Variants in SHISA9 observed in about 807,000 individuals in gnomAD.
SHISA9 encodes the protein shisa family member 9, also known as protein shisa-9.
In SHISA9, 13 loss-of-function variants were observed where a neutral mutation model predicts 38.0. The observed-to-expected ratio is 0.34, with a 90% CI of 0.22 to 0.54. SHISA9 has a LOEUF of 0.54. Ranked by LOEUF, SHISA9 falls within the 20% of genes least tolerant of loss-of-function variation. The pLI is 0.91. For missense variants in SHISA9, 538 were observed against 575.8 expected, an observed-to-expected ratio of 0.93 and a Z score of 0.67; for synonymous variants, 275 against 242.0, an observed-to-expected ratio of 1.14 and a Z score of -1.27.
intron 2 of SHISA9, among the ~76,000 whole-genome samples, chr16:13,131,372 C>G (rs925141617): frequency 2.6e-5 from 4 of 152,130 alleles, no homozygotes; most frequent in Non-Finnish European, 4.4e-5. Context: ...AACAGAAAAC[C>G]AAACACTGCA....
the SHISA9 span, among the ~76,000 whole-genome samples, chr16:13,340,455 C>T: frequency 3.4e-5 from 5 of 148,742 alleles, no homozygotes; most frequent in Non-Finnish European, 6.1e-5. Context: ...GAGGTGAGTC[C>T]TCAGTGGCCG....
the SHISA9 span, among the ~76,000 whole-genome samples, chr16:13,524,622 G>T: frequency 6.6e-6 from 1 of 152,182 alleles, no homozygotes; most frequent in Non-Finnish European, 1.5e-5. Context: ...GTAGTGGTGT[G>T]AGCATAGCTC....
chr16:12,982,724 A>G (rs1484262637), intron 2 of SHISA9, among the ~76,000 whole-genome samples: 1 of 152,206 alleles, frequency 6.6e-6, no homozygotes, highest in Non-Finnish European at 1.5e-5. Flanking sequence ...CAGCCACAGC[A>G]TGGTGATGGT....
At chr16:12,995,082 T>A (rs1460415847) in intron 2 of SHISA9, among the ~76,000 whole-genome samples, 1 of 152,166 alleles carries the variant, frequency 6.6e-6, no homozygotes, top group Non-Finnish European at 1.5e-5. Context: ...TTAATTTTTT[T>A]AAACTTTTAC....
At chr16:13,080,760 A>G (rs184214325) in intron 2 of SHISA9, among the ~76,000 whole-genome samples, 1 of 152,226 alleles carries the variant, frequency 6.6e-6, no homozygotes, top group Non-Finnish European at 1.5e-5. Context: ...ATGCTGTGGA[A>G]GAAGGTTGTT....
At chr16:12,922,198 A>G (rs948952300) in intron 2 of SHISA9, among the ~76,000 whole-genome samples, 1 of 152,264 alleles carries the variant, frequency 6.6e-6, no homozygotes, top group Non-Finnish European at 1.5e-5. Context: ...GGAAATATCC[A>G]TTGGCATTTT....
chr16:13,046,391 T>C (rs1030888812), intron 2 of SHISA9, among the ~76,000 whole-genome samples: 8 of 152,094 alleles, frequency 5.3e-5, no homozygotes, highest in Non-Finnish European at 1.0e-4. Context: ...GCTTGGGGAG[T>C]GTGAAACACA....
At chr16:13,185,461 C>T (rs2050812582) in intron 2 of SHISA9, among the ~76,000 whole-genome samples, 1 of 152,140 alleles carries the variant, frequency 6.6e-6, no homozygotes, top group Non-Finnish European at 1.5e-5. Context: ...ACCTCAGCCT[C>T]CCAAAGTGCT....
chr16:13,295,066 G>A, the SHISA9 span, among the ~76,000 whole-genome samples: 4 of 152,182 alleles, frequency 2.6e-5, no homozygotes, highest in African/African-American at 4.8e-5. Context: ...TACCTTGTCC[G>A]CAATCACAGA....
the SHISA9 span, among the ~76,000 whole-genome samples, chr16:13,301,106 T>C: frequency 6.6e-6 from 1 of 151,976 alleles, no homozygotes; most frequent in South Asian, 2.1e-4. Context: ...TATGCAAGAG[T>C]CTGCCCAGAG....
intron 2 of SHISA9, among the ~76,000 whole-genome samples, chr16:12,966,460 G>T (rs1052417270): frequency 9.2e-5 from 14 of 152,112 alleles, no homozygotes; most frequent in African/African-American, 3.1e-4. Context: ...TCACCATGTT[G>T]CCCAGGCTGG....
intron 2 of SHISA9, among the ~76,000 whole-genome samples, chr16:12,989,689 G>A (rs1462649311): frequency 2.0e-5 from 3 of 151,860 alleles, no homozygotes; most frequent in African/African-American, 4.8e-5. Context: ...TTAGGTTTCC[G>A]TGTCATTAAT....
At chr16:13,423,733 C>T in the SHISA9 span, among the ~76,000 whole-genome samples, 2 of 152,164 alleles carry the variant, frequency 1.3e-5, no homozygotes, top group Non-Finnish European at 2.9e-5. Flanking sequence ...GTGTTCCAAC[C>T]TGTAGTCTCT....
the SHISA9 span, among the ~76,000 whole-genome samples, chr16:13,286,378 T>G: frequency 6.6e-6 from 1 of 152,122 alleles, no homozygotes. Flanking sequence ...AAACCCGAAG[T>G]CTCCACTTAC....
rs929173872 is a variant in SHISA9, at chr16:13,216,184, C to CA, written c.895+2906dup. ...CCTGGGCGGCAGAGCGAGACTCTGTCAAAAAAAAAAAAAAAAAAAAAAGAG... is the reference window on the plus strand; with the variant it reads ...CCTGGGCGGCAGAGCGAGACTCTGTCAAAAAAAAAAAAAAAAAAAAAAAGAG... On this transcript the variant is annotated intron_variant, in intron 4 of 4. Coordinates refer to ENST00000558583, the MANE Select transcript of SHISA9 (RefSeq NM_001145204.3). 4.0e-3 allele frequency among the ~76,000 whole-genome samples: 455 copies of CA among 112,916 alleles called. 1 individual carries two copies. Among genetic ancestry groups the CA allele is most frequent in the Middle Eastern group, 0.01 (2 of 194 alleles). 74.1% of individuals were successfully genotyped at this position (112,916 alleles called of 152,430 possible).
chr16:13,234,979 TC>T, intron 4 of SHISA9, 50 bp from the exon 5 acceptor site: 1 of 1,489,674 alleles, frequency 6.7e-7, no homozygotes, highest in Non-Finnish European at 9.0e-7. Flanking sequence ...TCTCTCTCTC[TC>T]TCTCTCTTCT....
chr16:13,162,732 G>C (rs2050605986), intron 2 of SHISA9, among the ~76,000 whole-genome samples: 1 of 152,018 alleles, frequency 6.6e-6, no homozygotes, highest in East Asian at 1.9e-4. Context: ...AAGAGAAAGT[G>C]GGAATGAATC....
chr16:13,375,224 T>A, the SHISA9 span, among the ~76,000 whole-genome samples: 3 of 152,202 alleles, frequency 2.0e-5, no homozygotes, highest in African/African-American at 7.2e-5. Flanking sequence ...GCTTTTGGTG[T>A]TTCAGTCATG....
the SHISA9 span, among the ~76,000 whole-genome samples, chr16:13,306,630 A>T: frequency 1.3e-5 from 2 of 152,188 alleles, no homozygotes; most frequent in African/African-American, 2.4e-5. Context: ...TTCCAAGATG[A>T]TTCACATGGC....
Sources: allele counts gnomAD v4.1 joint callset (sites outside exome capture counted in the v4.1 genomes callset), GRCh38; gene constraint gnomAD v4.1.1; transcripts MANE v1.5; gene names NCBI Gene and HGNC (gene_info 2026-07-23, HGNC 2026-07-21).